Variants in STAT5A observed in about 807,000 individuals in gnomAD.
STAT5A encodes epididymis secretory sperm binding protein.
STAT5A carries 26 observed loss-of-function variants against 100.2 expected under a neutral mutation model. The observed-to-expected ratio is 0.26, with a 90% CI of 0.19 to 0.36. The LOEUF (loss-of-function observed/expected upper bound fraction) is 0.36. Among genes scored for constraint, STAT5A ranks in the 10% least tolerant of loss-of-function variants. STAT5A has a pLI of 1.00. For synonymous variants in STAT5A, 330 were observed against 424.3 expected (o/e 0.78, Z 2.73); for missense variants, 634 against 1,027.5 (o/e 0.62, Z 5.24).
At chr17:42,306,564 C>T (rs1567693800) in intron 13 of STAT5A, 117 bp downstream of exon 13, 3 of 1,485,836 alleles carry the variant, frequency 2.0e-6, no homozygotes, top group Non-Finnish European at 2.8e-6. Flanking sequence ...CAACCACTCT[C>T]TCCTACAACC....
At chr17:42,299,018 T>C (rs2080948931) in intron 5 of STAT5A, among the ~76,000 whole-genome samples, 1 of 152,032 alleles carries the variant, frequency 6.6e-6, no homozygotes, top group Admixed American at 6.5e-5. Flanking sequence ...TGAGCCCACC[T>C]GGACAAACAT....
In STAT5A at chr17:42,295,608, T is replaced by C. The variant is rs746936697; in HGVS notation, c.376-11T>C. 1 of 1,610,832 alleles carries C rather than the reference T, an allele frequency of 6.2e-7. No individual in the cohort carries two copies. Among genetic ancestry groups the C allele is most frequent in the East Asian group, 2.2e-5 (1 of 44,832 alleles). On this transcript the variant is annotated splice_polypyrimidine_tract_variant and intron_variant, in intron 4 of 18. Transcript: ENST00000590949. ...TCTTCCCCGAGTTATTTCCATTCCA[T>C]CTGTCTCCAGTGCAGCTCTCCGGCT...
chr17:42,289,624 T>G, intron 2 of STAT5A, 85 bp downstream of exon 2: 1 of 1,541,764 alleles, frequency 6.5e-7, no homozygotes, highest in African/African-American at 1.4e-5. Flanking sequence ...GGTGGTTTGG[T>G]GTGACTCTGG....
At chr17:42,305,877 G>C (rs1294881400) in intron 12 of STAT5A, among the ~76,000 whole-genome samples, 175 bp downstream of exon 12, 1 of 152,176 alleles carries the variant, frequency 6.6e-6, no homozygotes, top group Non-Finnish European at 1.5e-5. Flanking sequence ...CCATGGCCTT[G>C]GCACTCTGGG....
In STAT5A at chr17:42,289,959, C is replaced by T. The variant is rs774315384; in HGVS notation, c.222C>T (p.His74=). ...AGGAGCTGCAGAAGAAGGCGGAGCACCAGGTGGGGGAAGATGGGTTTTTAC... is the reference window on the plus strand; with the variant it reads ...AGGAGCTGCAGAAGAAGGCGGAGCATCAGGTGGGGGAAGATGGGTTTTTAC... ...LVQELQKKAE[H]QVGEDGFLLK... is the part of the protein sequence containing the mutation. Residue 74 remains histidine, a synonymous_variant, in exon 3 of 19, where the codon CAC becomes CAT. Transcript: ENST00000590949. 13 of 1,611,330 alleles carry T rather than the reference C, an allele frequency of 8.1e-6. No homozygotes were observed. The highest frequency in any genetic ancestry group is 3.4e-4 in the Middle Eastern group (2 of 5,856).
chr17:42,305,720 C>T lies in STAT5A; in HGVS notation c.1473+18C>T. 6.2e-7 allele frequency: 1 copy of T among 1,612,934 alleles called. No homozygotes were observed. ...CTGAGCCGGTGAGTCCCCGTGGGAGCCCTACCCCAGCACCCCCAGGCCCTA... is the reference window on the plus strand; with the variant it reads ...CTGAGCCGGTGAGTCCCCGTGGGAGTCCTACCCCAGCACCCCCAGGCCCTA... On this transcript the variant is annotated intron_variant, in intron 12 of 18. Coordinates refer to ENST00000590949, the MANE Select transcript of STAT5A (RefSeq NM_001288718.2).
intron 11 of STAT5A, among the ~76,000 whole-genome samples, chr17:42,305,057 G>A (rs987704500): frequency 2.6e-5 from 4 of 152,034 alleles, no homozygotes; most frequent in Admixed American, 6.6e-5. Context: ...GAAAAAAGTT[G>A]GGCATGGTGG....
At position 42,297,733 on chromosome 17, in the gene STAT5A, G is replaced by A. The variant is rs201417988; in HGVS notation, c.550+1940G>A. On this transcript the variant is annotated intron_variant, in intron 5 of 18. Coordinates refer to ENST00000590949, the MANE Select transcript of STAT5A (RefSeq NM_001288718.2). ...CCCGAGGTAGCCGTGCAGACACCTC[G>A]GATCTGTCCGTGCCTGGATGATCCT... is the stretch of plus-strand genomic sequence containing the variant. Among the ~76,000 whole-genome samples the A allele has an allele frequency of 4.6e-5, 7 of 151,982 alleles. No individual in the cohort carries two copies. In the East Asian group the frequency reaches 7.7e-4, roughly 17 times the overall value.
intron 5 of STAT5A, among the ~76,000 whole-genome samples, chr17:42,298,962 T>C (rs1567689773): frequency 1.3e-5 from 2 of 151,678 alleles, no homozygotes; most frequent in Non-Finnish European, 2.9e-5. Flanking sequence ...CCCTCTGCGG[T>C]CTGTCTATCT....
Position 42,308,280 on chromosome 17 carries a change from T to G in STAT5A, c.2009T>G (p.Phe670Cys). The change falls in exon 16 of 19, where the codon TTT (phenylalanine) becomes TGT (cysteine). Residue 670 changes from phenylalanine (F) to cysteine (C), a missense_variant. Physicochemically the swap from Phe to Cys is radical, Grantham distance 205. Coordinates refer to ENST00000590949, the MANE Select transcript of STAT5A (RefSeq NM_001288718.2). This position sits in a 1 kb window ranked among gnomAD's most constrained non-coding sequence, Gnocchi z 4.6. The part of the protein sequence containing the change: ...LGDLSYLIYV[F>C]PDRPKDEVFS... ...GACCTGAGCTATCTCATCTATGTGT[T>G]TCCTGACCGCCCCAAGGATGAGGTC... is the stretch of plus-strand genomic sequence containing the variant. The G allele has an allele frequency of 6.2e-7, 1 of 1,614,190 alleles. No homozygotes were observed. Among genetic ancestry groups the G allele is most frequent in the Non-Finnish European group, 8.5e-7 (1 of 1,180,032 alleles).
chr17:42,295,550 GT>G, intron 4 of STAT5A, 68 bp from the exon 5 acceptor site: 2 of 1,534,628 alleles, frequency 1.3e-6, no homozygotes, highest in Non-Finnish European at 8.8e-7. Context: ...TAGTATTGGT[GT>G]TTCCTAATGC....
Position 42,299,770 on chromosome 17 carries a change from C to T in STAT5A, c.570C>T (p.Ala190=). The change falls in exon 6 of 19, where the codon GCC becomes GCT. Residue 190 remains alanine (A), a synonymous_variant. Coordinates refer to ENST00000590949, the MANE Select transcript of STAT5A (RefSeq NM_001288718.2). Reference sequence around the variant, plus strand: ...CTCTAGCTCAGTTTGCCCAGCTGGCCCAGCTGAGCCCCCAGGAGCGTCTGA... The same window carrying T: ...CTCTAGCTCAGTTTGCCCAGCTGGCTCAGCTGAGCCCCCAGGAGCGTCTGA... ...LRIQAQFAQL[A]QLSPQERLSR... 3 of 1,614,172 alleles carry T rather than the reference C, an allele frequency of 1.9e-6. No homozygotes were observed. The highest frequency in any genetic ancestry group is 2.5e-6 in the Non-Finnish European group (3 of 1,180,010).
At chr17:42,300,663 G>A (rs570558331) in intron 7 of STAT5A, 52 bp from the exon 8 acceptor site, 25 of 1,613,620 alleles carry the variant, frequency 1.5e-5, no homozygotes, top group East Asian at 4.5e-5. Flanking sequence ...GGGGCCTGGC[G>A]TCTGTGAGGA....
rs375777958 is a variant in STAT5A, at chr17:42,293,978, G to A, written c.376-1641G>A. ...ATCTGTAATCCCAGCACTTTGGGAG[G>A]CCAAGGTGGGCGGATCACCTGACGT... On this transcript the variant is annotated intron_variant, in intron 4 of 18. Coordinates refer to ENST00000590949, the MANE Select transcript of STAT5A (RefSeq NM_001288718.2). Among the ~76,000 whole-genome samples, 336 of 152,272 alleles carry A rather than the reference G, an allele frequency of 2.2e-3. 6 individuals are homozygous for A. Among genetic ancestry groups the A allele is most frequent in the East Asian group, 0.017 (88 of 5,180 alleles).
chr17:42,307,650 C>A lies in STAT5A; in HGVS notation c.1833C>A (p.Pro611=), dbSNP rs185687915. 6.2e-7 allele frequency: 1 copy of A among 1,614,056 alleles called. No homozygotes were observed. The change falls in exon 15 of 19, where the codon CCC becomes CCA. Residue 611 remains proline, a synonymous_variant. Coordinates refer to ENST00000590949, the MANE Select transcript of STAT5A (RefSeq NM_001288718.2). The part of the protein sequence containing the change: ...QQAHDLLINK[P]DGTFLLRFSD... ...CCCACGACCTGCTCATCAACAAGCC[C>A]GACGGGACCTTCTTGTTGCGCTTTA...
At position 42,306,287 on chromosome 17, in the gene STAT5A, T is replaced by C; in HGVS notation, c.1520T>C (p.Leu507Pro). 6.2e-7 allele frequency: 1 copy of C among 1,614,072 alleles called. No homozygotes were observed. The highest frequency in any genetic ancestry group is 8.5e-7 in the Non-Finnish European group (1 of 1,179,944). ...AVPDKVLWPQLCEALNMKFKA... is the reference protein window; with the variant it reads ...AVPDKVLWPQPCEALNMKFKA... ...CCTGACAAAGTGCTGTGGCCGCAGC[T>C]GTGTGAGGCGCTCAACATGAAATTC... Residue 507 changes from leucine (L) to proline (P), a missense_variant, in exon 13 of 19, where the codon CTG becomes CCG. By Grantham distance (98) the Leu-to-Pro change is moderately conservative (BLOSUM62 -3). Transcript: ENST00000590949.
intron 5 of STAT5A, among the ~76,000 whole-genome samples, chr17:42,299,133 C>G (rs2144525864): frequency 6.6e-6 from 1 of 152,262 alleles, no homozygotes; most frequent in South Asian, 2.1e-4. Context: ...CCTGAAGAGG[C>G]CTTGCTGCGG....
At position 42,306,319 on chromosome 17, in the gene STAT5A, G is replaced by A. The variant is rs766618425; in HGVS notation, c.1552G>A (p.Glu518Lys). The change falls in exon 13 of 19, where the codon GAA becomes AAA. Residue 518 changes from glutamate (E) to lysine (K), a missense_variant. Coordinates refer to ENST00000590949, the MANE Select transcript of STAT5A (RefSeq NM_001288718.2). ...CEALNMKFKAEVQSNRGLTKE... is the reference protein window; with the variant it reads ...CEALNMKFKAKVQSNRGLTKE... The stretch of plus-strand genomic sequence containing the variant: ...GGCGCTCAACATGAAATTCAAGGCC[G>A]AAGTGCAGAGCAACCGGGGCCTGAC... 12 of 1,613,970 alleles carry A rather than the reference G, an allele frequency of 7.4e-6. No homozygotes were observed. Among genetic ancestry groups the A allele is most frequent in the Non-Finnish European group, 8.5e-6 (10 of 1,179,974 alleles).
chr17:42,289,301 C>T, intron 1 of STAT5A, 101 bp from the exon 2 acceptor site: 1 of 1,363,886 alleles, frequency 7.3e-7, no homozygotes, highest in Non-Finnish European at 9.6e-7. Context: ...GGGGCCTGGC[C>T]TGGCCGCGGT....
Sources: gnomAD v4.1 joint callset for allele counts (sites outside exome capture counted in the v4.1 genomes callset) on GRCh38, gnomAD v4.1.1 for gene constraint, Gnocchi (gnomAD v3.1) non-coding constraint, MANE v1.5 for transcripts, NCBI Gene and HGNC (gene_info 2026-07-23, HGNC 2026-07-21) for gene names.